The following SMCO4 variants were observed in gnomAD, a reference collection of about 807,000 sequenced individuals.
SMCO4 encodes single-pass membrane protein with coiled-coil domains 4.
Under a neutral mutation model 3.6 loss-of-function variants are expected in SMCO4, and 4 were observed. The observed-to-expected ratio is 1.11, with a 90% CI of 0.54 to 2.53. SMCO4 has a LOEUF of 2.53. SMCO4 is among the 30% of genes most tolerant of loss of function. The pLI is 0.02. For synonymous variants in SMCO4, 36 were observed against 35.3 expected (o/e 1.02, Z -0.07); for missense variants, 70 against 80.8 (o/e 0.87, Z 0.51).
intron 1 of SMCO4, among the ~76,000 whole-genome samples, chr11:93,519,073 G>A (rs1949034427): frequency 6.6e-6 from 1 of 152,154 alleles, no homozygotes; most frequent in South Asian, 2.1e-4. Flanking sequence ...CTTAAGAATG[G>A]CTTGCTGGAA....
chr11:93,497,770 C>T (rs1948792184), intron 2 of SMCO4, among the ~76,000 whole-genome samples: 2 of 152,224 alleles, frequency 1.3e-5, no homozygotes, highest in African/African-American at 4.8e-5. Flanking sequence ...CTGCCTGCTT[C>T]CCAGGACTGG....
chr11:93,534,295 C>A (rs983402570), intron 1 of SMCO4, among the ~76,000 whole-genome samples: 13 of 145,806 alleles, frequency 8.9e-5, no homozygotes, highest in African/African-American at 3.3e-4. Context: ...TACACACACA[C>A]ATATATATAC....
In SMCO4 at chr11:93,528,397, G is replaced by A. The variant is rs150029958; in HGVS notation, c.-154+14879C>T. Among the ~76,000 whole-genome samples, 24 of 152,292 alleles carry A rather than the reference G, an allele frequency of 1.6e-4. 1 individual carries two copies. The highest frequency in any genetic ancestry group is 8.3e-4 in the South Asian group (4 of 4,832). On this transcript the variant is annotated intron_variant, in intron 1 of 2. Coordinates refer to ENST00000298966, the MANE Select transcript of SMCO4 (RefSeq NM_020179.3). ...TCAGGTTGAGCAACTGGAGACACCC[G>A]CCTCCAGAGCCAGAATGGAGATTTA...
the SMCO4 span, among the ~76,000 whole-genome samples, chr11:93,549,103 C>T: frequency 6.6e-6 from 1 of 152,140 alleles, no homozygotes; most frequent in Admixed American, 6.5e-5. Context: ...ATTCCCCTGC[C>T]TTATGGTCAG....
chr11:93,549,423 A>G, the SMCO4 span, among the ~76,000 whole-genome samples: 1 of 152,160 alleles, frequency 6.6e-6, no homozygotes, highest in African/African-American at 2.4e-5. Context: ...AACATTATGG[A>G]AAGACTTTTC....
At chr11:93,479,343 C>T in intron 2 of SMCO4, 74 bp from the exon 3 acceptor site, 1 of 1,317,264 alleles carries the variant, frequency 7.6e-7, no homozygotes, top group Non-Finnish European at 9.9e-7. Context: ...AAGGCAAATA[C>T]ACAACTAGGA....
At chr11:93,523,164 G>A (rs190224680) in intron 1 of SMCO4, among the ~76,000 whole-genome samples, 62 of 152,248 alleles carry the variant, frequency 4.1e-4, no homozygotes, top group African/African-American at 8.2e-4. Flanking sequence ...GGCCAAGCAC[G>A]GTGGCTCATG....
chr11:93,539,559 G>A (rs1238455275), intron 1 of SMCO4, among the ~76,000 whole-genome samples: 1 of 152,134 alleles, frequency 6.6e-6, no homozygotes, highest in Non-Finnish European at 1.5e-5. Context: ...ATTATCTTCA[G>A]AGAACTAAGA....
At chr11:93,522,416 G>A (rs1257312252) in intron 1 of SMCO4, among the ~76,000 whole-genome samples, 1 of 152,206 alleles carries the variant, frequency 6.6e-6, no homozygotes, top group African/African-American at 2.4e-5. Flanking sequence ...GGGCATGGGA[G>A]GAAGGGAGAC....
At chr11:93,534,375 T>TATATATAGAGAG (rs369643237) in intron 1 of SMCO4, among the ~76,000 whole-genome samples, 7 of 142,130 alleles carry the variant, frequency 4.9e-5, no homozygotes, top group East Asian at 2.0e-4. Flanking sequence ...TATATATATA[T>TATATATAGAGAG]AGAGAGAGAG....
In SMCO4 at chr11:93,478,481, A is replaced by G. The variant is rs1056279652; in HGVS notation, c.*529T>C. 2 of 152,576 alleles carry G rather than the reference A, an allele frequency of 1.3e-5. No individual in the cohort carries two copies. Among genetic ancestry groups the G allele is most frequent in the Admixed American group, 6.5e-5 (1 of 15,340 alleles). The allele number at this position is 152,576 out of a possible 1,614,324, so 9.5% of individuals were successfully genotyped here. Reference sequence around the variant, plus strand: ...CATGATAAGCATCCAGTTTAAGGCTATTATCTCCTTTATTCAAAAAATAAA... The same window carrying G: ...CATGATAAGCATCCAGTTTAAGGCTGTTATCTCCTTTATTCAAAAAATAAA... On this transcript the variant is annotated 3_prime_UTR_variant, in exon 3 of 3. Transcript: ENST00000298966.
chr11:93,539,022 G>C (rs1032533958), intron 1 of SMCO4, among the ~76,000 whole-genome samples: 1 of 152,202 alleles, frequency 6.6e-6, no homozygotes, highest in African/African-American at 2.4e-5. Context: ...GGGCTTTGGA[G>C]TCCTACAGAT....
chr11:93,539,081 A>G (rs1434620521), intron 1 of SMCO4, among the ~76,000 whole-genome samples: 2 of 152,100 alleles, frequency 1.3e-5, no homozygotes, highest in African/African-American at 2.4e-5. Flanking sequence ...GTGAACACAC[A>G]TGTGTTTCTG....
upstream of SMCO4, among the ~76,000 whole-genome samples, chr11:93,547,955 G>A (rs901278957): frequency 2.6e-5 from 4 of 152,192 alleles, no homozygotes; most frequent in African/African-American, 4.8e-5. Flanking sequence ...TGAAGTAAGA[G>A]GGGGAGGCCT....
At chr11:93,537,632 G>C (rs1949238677) in intron 1 of SMCO4, among the ~76,000 whole-genome samples, 1 of 151,872 alleles carries the variant, frequency 6.6e-6, no homozygotes, top group African/African-American at 2.4e-5. Context: ...CAAGAGGTAG[G>C]CATGACAGCT....
At chr11:93,517,421 A>C (rs1949017733) in intron 1 of SMCO4, among the ~76,000 whole-genome samples, 2 of 152,218 alleles carry the variant, frequency 1.3e-5, no homozygotes, top group African/African-American at 4.8e-5. Context: ...TAGTTGGTAG[A>C]AATCAGCTCC....
Position 93,484,690 on chromosome 11 carries a change from T to A in SMCO4, c.-80-5421A>T, listed in dbSNP as rs58784668. 3.7e-3 allele frequency among the ~76,000 whole-genome samples: 324 copies of A among 88,184 alleles called. 1 individual carries two copies. The highest frequency in any genetic ancestry group is 0.013 in the African/African-American group (308 of 23,248). The allele number at this position is 88,184 out of a possible 152,430, so 57.9% of individuals were successfully genotyped here. A position where few individuals can be genotyped will look rare whatever the true frequency, so the allele number is the denominator to read the frequency against. On this transcript the variant is annotated intron_variant, in intron 2 of 2. Coordinates refer to ENST00000298966, the MANE Select transcript of SMCO4 (RefSeq NM_020179.3). The stretch of plus-strand genomic sequence containing the variant: ...AATCTGGGAAACACCAGGGAATTCT[T>A]TTTTTTTTTTTTTGCACCATATAAC...
intron 1 of SMCO4, among the ~76,000 whole-genome samples, chr11:93,504,126 A>G (rs1344713830): frequency 6.6e-6 from 1 of 152,226 alleles, no homozygotes; most frequent in African/African-American, 2.4e-5. Flanking sequence ...TTTACAAAGA[A>G]AAAGTTATTT....
intron 1 of SMCO4, among the ~76,000 whole-genome samples, chr11:93,522,263 C>G (rs924465878): frequency 5.9e-5 from 9 of 152,232 alleles, no homozygotes; most frequent in Admixed American, 5.9e-4. Flanking sequence ...GGCCCACATT[C>G]AAATGCTGAC....
Sources: gnomAD v4.1 joint callset for allele counts (sites outside exome capture counted in the v4.1 genomes callset) on GRCh38, gnomAD v4.1.1 for gene constraint, MANE v1.5 for transcripts, NCBI Gene and HGNC (gene_info 2026-07-23, HGNC 2026-07-21) for gene names.